The following FGF12 variants were observed in gnomAD, a reference collection of about 807,000 sequenced individuals.
FGF12 encodes the protein fibroblast growth factor 12.
Under a neutral mutation model 23.6 loss-of-function variants are expected in FGF12, and 14 were observed. The ratio of observed to expected loss-of-function variants is 0.59; its 90% confidence interval spans 0.39 to 0.93. FGF12 has a LOEUF of 0.93. FGF12 is among the 40% of genes least tolerant of loss of function. The probability of loss-of-function intolerance (pLI) is 0.00; values close to 1 mark genes in which losing one functional copy is unlikely to be tolerated. For synonymous variants in FGF12, 62 were observed against 77.3 expected (o/e 0.80, Z 1.04); for missense variants, 175 against 217.8 (o/e 0.80, Z 1.24).
rs146350190 is a variant in FGF12 at position 192,656,813 on chromosome 3, G to A, written c.13+70368C>T. 8.2e-3 allele frequency among the ~76,000 whole-genome samples: 1,255 copies of A among 152,248 alleles called. 21 individuals carry two copies. The highest frequency in any genetic ancestry group is 0.029 in the African/African-American group (1,222 of 41,530). Reference sequence around the variant, plus strand: ...TAATGTGTGGTCTGTAATCCTTGACGCGACCTGGCTTCCAATGTATTTTTT... The same window carrying A: ...TAATGTGTGGTCTGTAATCCTTGACACGACCTGGCTTCCAATGTATTTTTT... On this transcript the variant is annotated intron_variant, in intron 2 of 5. Transcript: ENST00000445105.
chr3:192,362,441 A>C (rs1317849276), intron 2 of FGF12, among the ~76,000 whole-genome samples: 2 of 151,752 alleles, frequency 1.3e-5, no homozygotes, highest in African/African-American at 4.8e-5. Flanking sequence ...CCTGTGTCCA[A>C]ATGTTCTCAT....
At chr3:192,713,614 G>A (rs1199562026) in intron 2 of FGF12, among the ~76,000 whole-genome samples, 1 of 152,142 alleles carries the variant, frequency 6.6e-6, no homozygotes, top group South Asian at 2.1e-4. Context: ...CGATTCACTG[G>A]GGTCAGTTGA....
intron 2 of FGF12, among the ~76,000 whole-genome samples, chr3:192,634,291 C>T (rs188479871): frequency 6.6e-6 from 1 of 150,466 alleles, no homozygotes; most frequent in African/African-American, 2.4e-5. Context: ...AAATGCAGAT[C>T]GAAAATATCC....
intron 3 of FGF12, among the ~76,000 whole-genome samples, chr3:192,354,068 A>G (rs1718355145): frequency 6.6e-6 from 1 of 152,208 alleles, no homozygotes; most frequent in African/African-American, 2.4e-5. Context: ...TCAAAACATC[A>G]TATGTTTGGT....
At chr3:192,632,064 A>G (rs911486464) in intron 2 of FGF12, among the ~76,000 whole-genome samples, 6 of 152,202 alleles carry the variant, frequency 3.9e-5, no homozygotes, top group Admixed American at 6.5e-5. Context: ...CAGTTGCCAA[A>G]TCATCTAAAA....
At chr3:192,581,280 A>G (rs1054564733) in intron 2 of FGF12, among the ~76,000 whole-genome samples, 2 of 152,002 alleles carry the variant, frequency 1.3e-5, no homozygotes, top group African/African-American at 4.8e-5. Flanking sequence ...ACACATCTTA[A>G]TACAGCCGGG....
At chr3:192,413,635 A>C (rs1721263541) in intron 2 of FGF12, among the ~76,000 whole-genome samples, 1 of 152,216 alleles carries the variant, frequency 6.6e-6, no homozygotes, top group Non-Finnish European at 1.5e-5. Context: ...GTATTTAACA[A>C]AGGCTGAAAA....
intron 2 of FGF12, among the ~76,000 whole-genome samples, chr3:192,698,247 C>T (rs1718186765): frequency 6.6e-6 from 1 of 152,132 alleles, no homozygotes; most frequent in South Asian, 2.1e-4. Flanking sequence ...AGATAATGTG[C>T]ATGCTCATCA....
Position 192,175,210 on chromosome 3 carries a change from T to A in FGF12, c.229-4554A>T, listed in dbSNP as rs146549178. 1.5e-3 allele frequency among the ~76,000 whole-genome samples: 234 copies of A among 152,276 alleles called. 1 individual carries two copies. Among genetic ancestry groups the A allele is most frequent in the African/African-American group, 4.2e-3 (175 of 41,556 alleles). On this transcript the variant is annotated intron_variant, in intron 4 of 5. Transcript: ENST00000445105. Reference sequence around the variant, plus strand: ...AAACAGGCAGGCTTGGGGTCAAAGGTGATAAAATCCCAGGCCACCTTGATC... The same window carrying A: ...AAACAGGCAGGCTTGGGGTCAAAGGAGATAAAATCCCAGGCCACCTTGATC...
At chr3:192,552,229 C>T (rs1387972248) in intron 2 of FGF12, among the ~76,000 whole-genome samples, 2 of 151,438 alleles carry the variant, frequency 1.3e-5, no homozygotes, top group African/African-American at 4.9e-5. Context: ...AATCTGAAGA[C>T]AATGAAAAGA....
chr3:192,420,834 G>C (rs73064270), intron 2 of FGF12, among the ~76,000 whole-genome samples: 11,108 of 152,080 alleles, frequency 0.073, 1,231 homozygotes, highest in African/African-American at 0.24. Flanking sequence ...CAAAAAGAAA[G>C]AAATACGTAA....
At position 192,459,935 on chromosome 3, in the gene FGF12, T is replaced by G. The variant is rs1436733922; in HGVS notation, c.14-99397A>C. Among the ~76,000 whole-genome samples, 3 of 152,016 alleles carry G rather than the reference T, an allele frequency of 2.0e-5. No individual in the cohort carries two copies. In the East Asian group the frequency reaches 5.8e-4, roughly 29 times the overall value. ...TCAACATCCTTCAAAAAACCCTCAT[T>G]GAGTACCTTTCATGTACTGAGAGAC... On this transcript the variant is annotated intron_variant, in intron 2 of 5. Coordinates refer to ENST00000445105, the MANE Select transcript of FGF12 (RefSeq NM_004113.6).
chr3:192,267,716 A>G (rs1184052707), intron 4 of FGF12, among the ~76,000 whole-genome samples: 1 of 152,186 alleles, frequency 6.6e-6, no homozygotes. Flanking sequence ...GAAAATATTC[A>G]TATGCACATA....
At chr3:192,353,621 G>A (rs1206463749) in intron 3 of FGF12, among the ~76,000 whole-genome samples, 3 of 151,846 alleles carry the variant, frequency 2.0e-5, no homozygotes, top group Admixed American at 6.6e-5. Flanking sequence ...CGCCAGCCTC[G>A]GCCTCCCAGA....
intron 4 of FGF12, among the ~76,000 whole-genome samples, chr3:192,190,465 ACT>A (rs1491221794): frequency 1.6e-5 from 2 of 125,670 alleles, no homozygotes; most frequent in African/African-American, 5.9e-5. Context: ...TAAGCCCAAT[ACT>A]CTTTTTTTTT....
At chr3:192,167,740 T>TATATATAC (rs1715256512) in intron 5 of FGF12, among the ~76,000 whole-genome samples, 1 of 21,680 alleles carries the variant, frequency 4.6e-5, no homozygotes, top group Non-Finnish European at 8.5e-5. Flanking sequence ...GGTATATATA[T>TATATATAC]ATATATATAT....
chr3:192,394,904 A>G (rs1448291153), intron 2 of FGF12, among the ~76,000 whole-genome samples: 2 of 152,202 alleles, frequency 1.3e-5, no homozygotes, highest in African/African-American at 4.8e-5. Flanking sequence ...ATTAAACCCA[A>G]TCGATACTGT....
At chr3:192,711,626 CTG>C (rs1449083043) in intron 2 of FGF12, among the ~76,000 whole-genome samples, 1 of 152,194 alleles carries the variant, frequency 6.6e-6, no homozygotes, top group Non-Finnish European at 1.5e-5. Context: ...CCTTGGGATG[CTG>C]TTGATCTATG....
chr3:192,444,488 C>G (rs1722292940), intron 2 of FGF12, among the ~76,000 whole-genome samples: 1 of 152,078 alleles, frequency 6.6e-6, no homozygotes, highest in Non-Finnish European at 1.5e-5. Flanking sequence ...AACATTGCTT[C>G]TGGAACAAGA....
Sources: gnomAD v4.1 joint callset for allele counts (sites outside exome capture counted in the v4.1 genomes callset) on GRCh38, gnomAD v4.1.1 for gene constraint, MANE v1.5 for transcripts, NCBI Gene and HGNC (gene_info 2026-07-23, HGNC 2026-07-21) for gene names.